The following ACTR3C variants were observed in gnomAD, a reference collection of about 807,000 sequenced individuals.
ACTR3C encodes the protein actin related protein 3C, also known as actin-related protein 3C.
Under a neutral mutation model 26.3 loss-of-function variants are expected in ACTR3C, and 18 were observed. The ratio of observed to expected loss-of-function variants is 0.68; its 90% CI spans 0.47 to 1.01. The LOEUF (loss-of-function observed/expected upper bound fraction) is 1.01, where lower values mean the gene tolerates loss of function less well. Among genes scored for constraint, ACTR3C ranks in the 50% least tolerant of loss-of-function variants. The pLI is 0.00. For missense variants in ACTR3C, 184 were observed against 250.7 expected (o/e 0.73, Z 1.80); for synonymous variants, 55 against 94.5 (o/e 0.58, Z 2.42).
At chr7:150,143,121 C>G in the ACTR3C span, among the ~76,000 whole-genome samples, 1 of 152,122 alleles carries the variant, frequency 6.6e-6, no homozygotes, top group Non-Finnish European at 1.5e-5. Context: ...CATGAGCCAC[C>G]GCGCCCAACC....
At chr7:150,186,449 G>GT in the ACTR3C span, among the ~76,000 whole-genome samples, 1 of 152,160 alleles carries the variant, frequency 6.6e-6, no homozygotes, top group East Asian at 1.9e-4. Flanking sequence ...AGGCCCACAT[G>GT]TTTGTGTTAT....
the ACTR3C span, among the ~76,000 whole-genome samples, chr7:150,220,861 G>A: frequency 6.6e-6 from 1 of 152,308 alleles, no homozygotes; most frequent in Non-Finnish European, 1.5e-5. Context: ...AGGCTGGAGC[G>A]GTCATCAGTG....
chr7:149,985,866 C>A, the ACTR3C span, among the ~76,000 whole-genome samples: 1 of 152,198 alleles, frequency 6.6e-6, no homozygotes, highest in African/African-American at 2.4e-5. Flanking sequence ...ACAGACATAG[C>A]AGATACATTC....
At position 150,303,229 on chromosome 7, in the gene ACTR3C, C is replaced by A. The variant is rs2531020; in HGVS notation, c.-51-7882G>T. On this transcript the variant is annotated intron_variant, in intron 1 of 7. Coordinates refer to ENST00000683684, the MANE Select transcript of ACTR3C (RefSeq NM_001164458.2). ...TTACAAAGCTGAGGTAGACTCAAGT[C>A]GTAGACTTGCCTCCTGCCCTTAACA... is the stretch of plus-strand genomic sequence containing the variant. Among the ~76,000 whole-genome samples the A allele has an allele frequency of 7.0e-3, 1,062 of 152,194 alleles. 18 individuals carry two copies. The highest frequency in any genetic ancestry group is 0.023 in the African/African-American group (974 of 41,462).
At chr7:150,058,241 C>A in the ACTR3C span, among the ~76,000 whole-genome samples, 3 of 152,126 alleles carry the variant, frequency 2.0e-5, no homozygotes, top group Non-Finnish European at 4.4e-5. Flanking sequence ...TGGATAAGAC[C>A]GGAAGGTTTT....
At chr7:150,252,688 T>C (rs1272931525) in intron 6 of ACTR3C, among the ~76,000 whole-genome samples, 1 of 152,230 alleles carries the variant, frequency 6.6e-6, no homozygotes. Context: ...AAGCTTTGCA[T>C]AAAACAATAT....
chr7:150,276,589 C>T (rs1834904890), intron 6 of ACTR3C, among the ~76,000 whole-genome samples: 1 of 152,246 alleles, frequency 6.6e-6, no homozygotes, highest in South Asian at 2.1e-4. Context: ...AAGCCAATCT[C>T]CAGGTCCAGC....
At chr7:149,929,823 G>A in the ACTR3C span, among the ~76,000 whole-genome samples, 1 of 152,100 alleles carries the variant, frequency 6.6e-6, no homozygotes, top group Non-Finnish European at 1.5e-5. Context: ...GAGCCACCGC[G>A]CCCAGCCAAA....
chr7:150,037,095 T>C, the ACTR3C span, among the ~76,000 whole-genome samples: 2 of 91,280 alleles, frequency 2.2e-5, no homozygotes, highest in Non-Finnish European at 2.5e-5. Context: ...GCGATGGGGG[T>C]CCTAAGAGCC....
At chr7:150,212,991 C>T in the ACTR3C span, among the ~76,000 whole-genome samples, 1 of 151,246 alleles carries the variant, frequency 6.6e-6, no homozygotes, top group Non-Finnish European at 1.5e-5. Flanking sequence ...ATGAAAGATT[C>T]TCCAGCATAG....
chr7:150,129,501 T>C, the ACTR3C span, among the ~76,000 whole-genome samples: 2 of 152,126 alleles, frequency 1.3e-5, no homozygotes, highest in African/African-American at 4.8e-5. Context: ...AAGAAATGTA[T>C]GGAAAAACTA....
chr7:150,109,490 A>G, the ACTR3C span, among the ~76,000 whole-genome samples: 1 of 151,904 alleles, frequency 6.6e-6, no homozygotes, highest in African/African-American at 2.4e-5. Context: ...GCTGTGAGCT[A>G]TCTGCTTCCA....
chr7:150,038,652 C>T, the ACTR3C span, among the ~76,000 whole-genome samples: 1 of 144,690 alleles, frequency 6.9e-6, no homozygotes. Context: ...GATCGTAAAT[C>T]CCACGTAAGG....
chr7:150,193,991 GACACACACACACAC>G, the ACTR3C span, among the ~76,000 whole-genome samples: 2 of 131,926 alleles, frequency 1.5e-5, no homozygotes, highest in Admixed American at 7.6e-5. Context: ...TACACACACA[GACACACACACACAC>G]ACACACACAC....
At chr7:150,129,986 G>T in the ACTR3C span, among the ~76,000 whole-genome samples, 1 of 152,102 alleles carries the variant, frequency 6.6e-6, no homozygotes, top group Admixed American at 6.5e-5. Context: ...TAGTCAAATA[G>T]ATCAATGGAA....
the ACTR3C span, among the ~76,000 whole-genome samples, chr7:149,905,460 T>A: frequency 6.7e-6 from 1 of 149,564 alleles, no homozygotes; most frequent in Admixed American, 6.7e-5. Flanking sequence ...TTTATGACTT[T>A]GGAGTAGAAA....
chr7:150,156,320 C>T, the ACTR3C span, among the ~76,000 whole-genome samples: 35,926 of 149,540 alleles, frequency 0.24, 5,696 homozygotes, highest in African/African-American at 0.45. Flanking sequence ...AATAGAACAG[C>T]TCATCAAAAG....
chr7:150,045,607 G>C, the ACTR3C span, among the ~76,000 whole-genome samples: 6 of 149,040 alleles, frequency 4.0e-5, no homozygotes, highest in Non-Finnish European at 8.9e-5. Context: ...CTAAGTTAGA[G>C]ATGCTGTTTA....
chr7:149,982,827 CGCAA>C, the ACTR3C span, among the ~76,000 whole-genome samples: 1 of 152,122 alleles, frequency 6.6e-6, no homozygotes, highest in South Asian at 2.1e-4. Flanking sequence ...TCATGTCATC[CGCAA>C]ACAGAGATAA....
Sources: gnomAD v4.1 joint callset for allele counts (sites outside exome capture counted in the v4.1 genomes callset) on GRCh38, gnomAD v4.1.1 for gene constraint, MANE v1.5 for transcripts, NCBI Gene and HGNC (gene_info 2026-07-23, HGNC 2026-07-21) for gene names.